PDE8B: variants seen among roughly 807,000 people sequenced by gnomAD.
PDE8B encodes the protein phosphodiesterase 8B, also known as high affinity cAMP-specific and IBMX-insensitive 3',5'-cyclic phosphodiesterase 8B.
A neutral mutation model predicts 101.3 loss-of-function variants in PDE8B; 26 were observed. The ratio of observed to expected loss-of-function variants is 0.26; its 90% confidence interval spans 0.19 to 0.36. PDE8B has a LOEUF of 0.36. Among genes scored for constraint, PDE8B ranks in the 10% least tolerant of loss-of-function variants. The pLI is 1.00. For synonymous variants in PDE8B, 424 were observed against 429.3 expected, an observed-to-expected ratio of 0.99 and a Z score of 0.15; for missense variants, 810 against 1,163.1, an observed-to-expected ratio of 0.70 and a Z score of 4.42.
chr5:77,181,838 C>A, the PDE8B span, among the ~76,000 whole-genome samples: 25 of 152,278 alleles, frequency 1.6e-4, no homozygotes, highest in East Asian at 4.6e-3. Context: ...GGGAGACAAT[C>A]AACGAAAACA....
chr5:77,134,861 T>G, the PDE8B span, among the ~76,000 whole-genome samples: 2 of 152,176 alleles, frequency 1.3e-5, no homozygotes, highest in Non-Finnish European at 2.9e-5. Flanking sequence ...CTCTTCTAAG[T>G]ATTTCCTCAA....
chr5:77,219,509 G>A (rs2149421274), intron 1 of PDE8B, among the ~76,000 whole-genome samples: 1 of 152,274 alleles, frequency 6.6e-6, no homozygotes, highest in South Asian at 2.1e-4. Context: ...TAGCATTAAA[G>A]CTCCGGAACT....
chr5:77,373,050 A>G (rs1254552614), intron 10 of PDE8B, among the ~76,000 whole-genome samples: 2 of 151,300 alleles, frequency 1.3e-5, no homozygotes, highest in Non-Finnish European at 2.9e-5. Flanking sequence ...AAGAATTTGT[A>G]GTGTAACCTC....
chr5:77,186,929 A>G, the PDE8B span, among the ~76,000 whole-genome samples: 34 of 152,304 alleles, frequency 2.2e-4, no homozygotes, highest in Middle Eastern at 3.4e-3. Context: ...AGGCAGTGAT[A>G]GATTAAAACC....
chr5:77,197,290 T>G, the PDE8B span, among the ~76,000 whole-genome samples: 1 of 151,690 alleles, frequency 6.6e-6, no homozygotes. Context: ...TTAAATTTTT[T>G]TTTTTTAGTA....
chr5:77,378,035 C>G (rs867637194), intron 10 of PDE8B, among the ~76,000 whole-genome samples: 1 of 136,030 alleles, frequency 7.4e-6, no homozygotes, highest in South Asian at 2.3e-4. Flanking sequence ...CACACACACA[C>G]ACACACACAC....
At chr5:77,287,001 T>A (rs183429220) in intron 1 of PDE8B, among the ~76,000 whole-genome samples, 9 of 152,204 alleles carry the variant, frequency 5.9e-5, no homozygotes, top group Admixed American at 6.5e-5. Flanking sequence ...GTCGTGCATT[T>A]TAATTCTATG....
intron 1 of PDE8B, among the ~76,000 whole-genome samples, chr5:77,258,289 C>CAAA (rs70988662): frequency 9.0e-5 from 8 of 88,560 alleles, no homozygotes; most frequent in East Asian, 3.1e-4. Context: ...GACTCCATCT[C>CAAA]AAAAAAAAAA....
At chr5:77,394,717 T>C (rs1790646380) in intron 10 of PDE8B, among the ~76,000 whole-genome samples, 1 of 152,224 alleles carries the variant, frequency 6.6e-6, no homozygotes, top group Non-Finnish European at 1.5e-5. Flanking sequence ...CTATTTCACA[T>C]AAAGACTATT....
intron 18 of PDE8B, among the ~76,000 whole-genome samples, chr5:77,419,326 G>A (rs1796168314): frequency 6.6e-6 from 1 of 152,190 alleles, no homozygotes. Flanking sequence ...TAACAGGAAA[G>A]TCTTCCAATG....
the PDE8B span, among the ~76,000 whole-genome samples, chr5:77,180,719 T>G: frequency 1.3e-5 from 2 of 152,254 alleles, no homozygotes; most frequent in African/African-American, 2.4e-5. Flanking sequence ...CCGTCAGGTT[T>G]ATTATTCCCA....
the PDE8B span, among the ~76,000 whole-genome samples, chr5:77,172,731 A>G: frequency 2.0e-5 from 3 of 152,216 alleles, no homozygotes; most frequent in Admixed American, 6.5e-5. Context: ...AGACATTAGG[A>G]AATACCAGTA....
the PDE8B span, among the ~76,000 whole-genome samples, chr5:77,101,012 C>G: frequency 1.5e-5 from 2 of 134,658 alleles, no homozygotes; most frequent in African/African-American, 2.8e-5. Context: ...CTCTGTTGCT[C>G]AGGCTGGAGT....
chr5:77,150,105 T>A, the PDE8B span, among the ~76,000 whole-genome samples: 1 of 152,208 alleles, frequency 6.6e-6, no homozygotes, highest in Non-Finnish European at 1.5e-5. Context: ...GTAGCTGTGG[T>A]GAACTTTGCC....
At chr5:77,370,176 T>C (rs1408217518) in intron 10 of PDE8B, among the ~76,000 whole-genome samples, 1 of 152,202 alleles carries the variant, frequency 6.6e-6, no homozygotes, top group Non-Finnish European at 1.5e-5. Flanking sequence ...AAAATTAACA[T>C]ACAAAGAAAT....
chr5:77,364,098 G>A (rs1348118058), intron 10 of PDE8B, among the ~76,000 whole-genome samples: 1 of 152,188 alleles, frequency 6.6e-6, no homozygotes, highest in Non-Finnish European at 1.5e-5. Flanking sequence ...AGAATCCTGG[G>A]TCTCTTTTAT....
chr5:77,424,490 A>G (rs1797480053), intron 20 of PDE8B, among the ~76,000 whole-genome samples: 2 of 152,244 alleles, frequency 1.3e-5, no homozygotes, highest in African/African-American at 4.8e-5. Flanking sequence ...TTTAATGTGC[A>G]GAATACTCAG....
At chr5:77,299,124 G>A (rs1407339017) in intron 1 of PDE8B, among the ~76,000 whole-genome samples, 1 of 152,062 alleles carries the variant, frequency 6.6e-6, no homozygotes, top group Non-Finnish European at 1.5e-5. Flanking sequence ...TTACACAAAG[G>A]CCCCAAGGCC....
the PDE8B span, among the ~76,000 whole-genome samples, chr5:77,201,524 A>C: frequency 1.3e-4 from 20 of 152,178 alleles, no homozygotes; most frequent in Non-Finnish European, 2.9e-5. Context: ...TTCTAGACTC[A>C]AGATTCTGGG....
Sources: allele counts gnomAD v4.1 joint callset (sites outside exome capture counted in the v4.1 genomes callset), GRCh38; gene constraint gnomAD v4.1.1; transcripts MANE v1.5; gene names NCBI Gene and HGNC (gene_info 2026-07-23, HGNC 2026-07-21).